Variants in ATXN7 observed in about 807,000 individuals in gnomAD.
The protein encoded by ATXN7 is ataxin-7.
Under a neutral mutation model 70.5 loss-of-function variants are expected in ATXN7, and 12 were observed. The observed-to-expected ratio is 0.17, with a 90% CI of 0.11 to 0.28. ATXN7 has a LOEUF of 0.28. ATXN7 is among the 10% of genes least tolerant of loss of function. ATXN7 has a pLI of 1.00. For synonymous variants in ATXN7, 498 were observed against 448.7 expected, an observed-to-expected ratio of 1.11 and a Z score of -1.39; for missense variants, 1,256 against 1,131.7, an observed-to-expected ratio of 1.11 and a Z score of -1.58.
At chr3:63,916,457 C>T (rs1190887164) in intron 4 of ATXN7, among the ~76,000 whole-genome samples, 1 of 152,238 alleles carries the variant, frequency 6.6e-6, no homozygotes, top group Non-Finnish European at 1.5e-5. Flanking sequence ...AACTGCTAAG[C>T]TAACCTCTCT....
At chr3:63,868,089 T>C (rs1209771478) in intron 1 of ATXN7, among the ~76,000 whole-genome samples, 2 of 152,180 alleles carry the variant, frequency 1.3e-5, no homozygotes, top group Non-Finnish European at 2.9e-5. Flanking sequence ...TGATGGTAGA[T>C]AAGCAAAGAT....
intron 9 of ATXN7, among the ~76,000 whole-genome samples, chr3:63,989,506 G>A (rs984627415): frequency 1.2e-4 from 18 of 151,818 alleles, no homozygotes; most frequent in African/African-American, 3.6e-4. Flanking sequence ...TACACCAATT[G>A]CAGATTGAAA....
chr3:63,885,245 A>G (rs988340614), intron 1 of ATXN7, among the ~76,000 whole-genome samples: 34 of 152,214 alleles, frequency 2.2e-4, no homozygotes, highest in African/African-American at 8.0e-4. Context: ...TCTAAAATAT[A>G]TAAGGAACTC....
At chr3:63,961,579 C>A (rs2075132236) in intron 5 of ATXN7, among the ~76,000 whole-genome samples, 1 of 151,968 alleles carries the variant, frequency 6.6e-6, no homozygotes, top group East Asian at 1.9e-4. Flanking sequence ...CAATATCTAT[C>A]TTTATATATA....
intron 1 of ATXN7, among the ~76,000 whole-genome samples, chr3:63,895,980 C>G (rs1703433595): frequency 1.3e-5 from 2 of 152,134 alleles, no homozygotes; most frequent in Non-Finnish European, 1.5e-5. Flanking sequence ...AAACTAGACC[C>G]TCTTCATCTC....
chr3:63,888,879 G>A (rs1703174550), intron 1 of ATXN7, among the ~76,000 whole-genome samples: 1 of 152,008 alleles, frequency 6.6e-6, no homozygotes, highest in African/African-American at 2.4e-5. Flanking sequence ...CTGCTAATCG[G>A]TTCTCCAACT....
chr3:63,897,703 A>AT (rs1703488839), intron 1 of ATXN7, among the ~76,000 whole-genome samples: 1 of 152,164 alleles, frequency 6.6e-6, no homozygotes, highest in African/African-American at 2.4e-5. Flanking sequence ...TAGCTGTGTC[A>AT]TTGCCCATAT....
intron 4 of ATXN7, among the ~76,000 whole-genome samples, chr3:63,924,530 C>T (rs1704639533): frequency 6.6e-6 from 1 of 152,110 alleles, no homozygotes; most frequent in Non-Finnish European, 1.5e-5. Context: ...GAGGAGGACT[C>T]TTCAGTGAGG....
chr3:63,871,191 A>G (rs565994836), intron 1 of ATXN7, among the ~76,000 whole-genome samples: 2 of 152,174 alleles, frequency 1.3e-5, no homozygotes, highest in South Asian at 2.1e-4. Flanking sequence ...TAAAACCACT[A>G]GAGATTATTT....
intron 4 of ATXN7, among the ~76,000 whole-genome samples, chr3:63,929,751 G>C (rs1221758456): frequency 6.6e-6 from 1 of 152,100 alleles, no homozygotes; most frequent in East Asian, 1.9e-4. Flanking sequence ...ACAAAGGACA[G>C]AACTTTTCAT....
At chr3:63,867,400 A>G (rs116006137) in intron 1 of ATXN7, among the ~76,000 whole-genome samples, 1,612 of 152,236 alleles carry the variant, frequency 0.011, 22 homozygotes, top group African/African-American at 0.036. Flanking sequence ...ATGCAATTGC[A>G]TGAAACTGGC....
At chr3:63,881,199 C>G (rs1702896200) in intron 1 of ATXN7, among the ~76,000 whole-genome samples, 2 of 152,260 alleles carry the variant, frequency 1.3e-5, no homozygotes, top group Middle Eastern at 6.8e-3. Context: ...GATTTAAACT[C>G]TGGTCTGTTT....
At chr3:63,892,495 C>CACA (rs1703308141) in intron 1 of ATXN7, among the ~76,000 whole-genome samples, 7 of 126,852 alleles carry the variant, frequency 5.5e-5, no homozygotes, top group South Asian at 2.5e-4. Context: ...ACACACACAC[C>CACA]CACACACACA....
intron 12 of ATXN7, chr3:63,998,602 C>G (rs986805549): frequency 4.5e-5 from 44 of 985,258 alleles, no homozygotes; most frequent in Non-Finnish European, 5.2e-5. Context: ...GAGATTTTCT[C>G]TGTGCAGAGG....
chr3:63,896,387 TTTAAA>T (rs1703450138), intron 1 of ATXN7, among the ~76,000 whole-genome samples: 1 of 152,232 alleles, frequency 6.6e-6, no homozygotes, highest in Non-Finnish European at 1.5e-5. Context: ...TCCAAGTCTA[TTTAAA>T]ATGATTTCTT....
chr3:63,912,539 A>G (rs958394506), intron 2 of ATXN7, 49 bp from the exon 3 acceptor site: 28 of 1,085,128 alleles, frequency 2.6e-5, no homozygotes, highest in Non-Finnish European at 3.2e-5. Context: ...GCCTCCTTAA[A>G]AAACGGCCCC....
intron 1 of ATXN7, among the ~76,000 whole-genome samples, chr3:63,894,563 G>A (rs1703388034): frequency 6.6e-6 from 1 of 152,076 alleles, no homozygotes; most frequent in Non-Finnish European, 1.5e-5. Context: ...TCATTCTTTT[G>A]CCCCAGGCTG....
At chr3:63,996,779 C>A in intron 12 of ATXN7, 1 of 414,478 alleles carries the variant, frequency 2.4e-6, no homozygotes. Flanking sequence ...ACAGCAAAAT[C>A]ATAATTGGAG....
In ATXN7 at chr3:63,912,687, A is replaced by AGCAGCG. The variant is rs1559629092; in HGVS notation, c.94_95insGGCAGC (p.Gln31_Gln32insArgGln). On this transcript the variant is annotated inframe_insertion, in exon 3 of 13. Transcript: ENST00000674280. ...GGAGCAGCGGCCGCGGCCGCCCGGCAGCAGCAGCAGCAGCAGCAGCAGCAG... is the reference window on the plus strand; with the variant it reads ...GGAGCAGCGGCCGCGGCCGCCCGGCAGCAGCGGCAGCAGCAGCAGCAGCAGCAGCAG... 1.3e-5 allele frequency: 12 copies of AGCAGCG among 932,078 alleles called. No homozygotes were observed. Among genetic ancestry groups the AGCAGCG allele is most frequent in the South Asian group, 4.4e-5 (1 of 22,628 alleles). 57.7% of individuals were successfully genotyped at this position (932,078 alleles called of 1,614,324 possible).
Sources: gnomAD v4.1 joint callset for allele counts (sites outside exome capture counted in the v4.1 genomes callset) on GRCh38, gnomAD v4.1.1 for gene constraint, MANE v1.5 for transcripts, NCBI Gene and HGNC (gene_info 2026-07-23, HGNC 2026-07-21) for gene names.